HHAT: variants seen among roughly 807,000 people sequenced by gnomAD.
HHAT encodes the protein hedgehog acyltransferase, also known as protein-cysteine N-palmitoyltransferase HHAT.
HHAT carries 47 observed loss-of-function variants against 70.8 expected under a neutral mutation model. The ratio of observed to expected loss-of-function variants is 0.66; its 90% CI spans 0.53 to 0.85. HHAT has a LOEUF of 0.85. Ranked by LOEUF, HHAT falls within the 40% of genes least tolerant of loss-of-function variation. The pLI, the probability that HHAT is intolerant of heterozygous loss-of-function variation, is 0.00. For synonymous variants in HHAT, 228 were observed against 247.6 expected (o/e 0.92, Z 0.74); for missense variants, 609 against 604.8 (o/e 1.01, Z -0.07).
intron 10 of HHAT, among the ~76,000 whole-genome samples, chr1:210,616,289 C>G (rs1181350536): frequency 2.6e-5 from 4 of 152,080 alleles, no homozygotes; most frequent in Admixed American, 6.5e-5. Context: ...CAACTTATTC[C>G]TCCTATCTAA....
chr1:210,401,314 A>C (rs1480607864), intron 5 of HHAT, among the ~76,000 whole-genome samples: 1 of 152,126 alleles, frequency 6.6e-6, no homozygotes, highest in East Asian at 1.9e-4. Context: ...GGGTTTCACC[A>C]TGTTGGCCGG....
At chr1:210,403,795 A>G (rs1229843822) in intron 5 of HHAT, among the ~76,000 whole-genome samples, 2 of 152,140 alleles carry the variant, frequency 1.3e-5, no homozygotes, top group African/African-American at 4.8e-5. Flanking sequence ...CGATATTAAC[A>G]TTTTATTGTA....
chr1:210,504,515 G>A (rs992743407), intron 8 of HHAT, among the ~76,000 whole-genome samples: 5 of 152,198 alleles, frequency 3.3e-5, no homozygotes, highest in African/African-American at 1.2e-4. Context: ...TCTACATTCA[G>A]TGCATCATGA....
At chr1:210,505,618 T>C (rs1283724079) in intron 8 of HHAT, among the ~76,000 whole-genome samples, 1 of 152,148 alleles carries the variant, frequency 6.6e-6, no homozygotes, top group Non-Finnish European at 1.5e-5. Context: ...ACCCTAGCGA[T>C]GTGCTTTGGT....
chr1:210,512,174 G>A (rs72749311), intron 8 of HHAT, among the ~76,000 whole-genome samples: 6,697 of 152,212 alleles, frequency 0.044, 179 homozygotes, highest in South Asian at 0.12. Context: ...CCCAGCTAGC[G>A]CATGGAGTTG....
intron 9 of HHAT, among the ~76,000 whole-genome samples, chr1:210,527,821 A>G (rs1204113780): frequency 6.6e-6 from 1 of 152,208 alleles, no homozygotes; most frequent in Non-Finnish European, 1.5e-5. Context: ...ATTAGCAAAT[A>G]TTTAATAGCA....
intron 11 of HHAT, among the ~76,000 whole-genome samples, chr1:210,667,572 C>T (rs1023625606): frequency 6.6e-6 from 1 of 151,978 alleles, no homozygotes; most frequent in Non-Finnish European, 1.5e-5. Flanking sequence ...ATACTAAATG[C>T]ATCATTCAAG....
intron 9 of HHAT, among the ~76,000 whole-genome samples, chr1:210,556,549 G>A (rs1415236383): frequency 6.6e-6 from 1 of 152,116 alleles, no homozygotes; most frequent in Non-Finnish European, 1.5e-5. Context: ...CATCGCCTTT[G>A]GGCTTCCAAA....
chr1:210,673,762 A>ATTTAT (rs202105229), intron 11 of HHAT, among the ~76,000 whole-genome samples: 9 of 92,044 alleles, frequency 9.8e-5, no homozygotes, highest in Non-Finnish European at 2.4e-4. Flanking sequence ...TGGCTTATTT[A>ATTTAT]TTATTTATTT....
intron 6 of HHAT, among the ~76,000 whole-genome samples, chr1:210,417,053 A>G (rs2092743358): frequency 6.6e-6 from 1 of 152,174 alleles, no homozygotes; most frequent in Admixed American, 6.5e-5. Flanking sequence ...CAACATCAAA[A>G]ATAACAAAAT....
At chr1:210,552,286 A>C (rs923045054) in intron 9 of HHAT, among the ~76,000 whole-genome samples, 4 of 152,214 alleles carry the variant, frequency 2.6e-5, no homozygotes, top group Admixed American at 2.6e-4. Flanking sequence ...TCTGGGAGAA[A>C]GCTTGCATCT....
In HHAT at chr1:210,487,665, T is replaced by C. The variant is rs1025068134; in HGVS notation, c.1007+23010T>C. ...AAATATGCCACTTTGGCATATTATT[T>C]TGAGCTAAAAGAAACTGAGAACCAG... On this transcript the variant is annotated intron_variant, in intron 8 of 11. Coordinates refer to ENST00000261458, the MANE Select transcript of HHAT (RefSeq NM_018194.6). Among the ~76,000 whole-genome samples the C allele has an allele frequency of 2.0e-5, 3 of 152,240 alleles. No homozygotes were observed. In the East Asian group the frequency reaches 5.8e-4, roughly 29 times the overall value.
chr1:210,637,991 T>G (rs931297222), intron 11 of HHAT, among the ~76,000 whole-genome samples: 2 of 152,022 alleles, frequency 1.3e-5, no homozygotes, highest in Admixed American at 6.5e-5. Flanking sequence ...AAAACCGCAA[T>G]AAGATACTAC....
At chr1:210,618,696 T>C (rs1259279188) in intron 10 of HHAT, among the ~76,000 whole-genome samples, 1 of 152,140 alleles carries the variant, frequency 6.6e-6, no homozygotes, top group Non-Finnish European at 1.5e-5. Context: ...GTCATCTGCC[T>C]CCCTTCCCCA....
intron 8 of HHAT, among the ~76,000 whole-genome samples, chr1:210,512,602 G>T (rs984393405): frequency 6.6e-6 from 1 of 150,804 alleles, no homozygotes; most frequent in African/African-American, 2.4e-5. Flanking sequence ...AACCCAGGGG[G>T]TTGAGGCTGC....
intron 5 of HHAT, among the ~76,000 whole-genome samples, 193 bp downstream of exon 5, chr1:210,400,855 T>TAAAACACA (rs2092035523): frequency 6.6e-6 from 1 of 152,230 alleles, no homozygotes; most frequent in African/African-American, 2.4e-5. Flanking sequence ...CCTGGCTGTG[T>TAAAACACA]TTTAGCCCTG....
chr1:210,539,587 A>T (rs1015874598), intron 9 of HHAT, among the ~76,000 whole-genome samples: 1 of 152,122 alleles, frequency 6.6e-6, no homozygotes, highest in Admixed American at 6.5e-5. Context: ...GGATAGAGAA[A>T]ATGTTGCAGT....
chr1:210,435,975 A>ATTT lies in HHAT; in HGVS notation c.856+17651_856+17653dup, dbSNP rs1013897973. On this transcript the variant is annotated intron_variant, in intron 7 of 11. Transcript: ENST00000261458. ...GAAACTTTTTAGCTTGATACAATCC[A>ATTT]TTTATCTATTTTTCCTTTTGTTGCC... Among the ~76,000 whole-genome samples, 7 of 151,720 alleles carry ATTT rather than the reference A, an allele frequency of 4.6e-5. 1 individual carries two copies. The highest frequency in any genetic ancestry group is 1.5e-4 in the African/African-American group (6 of 41,090).
intron 5 of HHAT, 95 bp downstream of exon 5, chr1:210,400,757 A>G: frequency 3.4e-6 from 4 of 1,171,916 alleles, no homozygotes; most frequent in Non-Finnish European, 4.8e-6. Flanking sequence ...ACAAGAGATG[A>G]TTGTAGAACT....
Sources: gnomAD v4.1 joint callset for allele counts (sites outside exome capture counted in the v4.1 genomes callset) on GRCh38, gnomAD v4.1.1 for gene constraint, MANE v1.5 for transcripts, NCBI Gene and HGNC (gene_info 2026-07-23, HGNC 2026-07-21) for gene names.